The following UBXN2B variants were observed in gnomAD, a reference collection of about 807,000 sequenced individuals.
The protein encoded by UBXN2B is UBX domain-containing protein 2B.
A neutral mutation model predicts 37.5 loss-of-function variants in UBXN2B; 19 were observed. That is an observed-to-expected ratio of 0.51 (90% CI 0.35 to 0.74). UBXN2B has a LOEUF of 0.74. UBXN2B is among the 30% of genes least tolerant of loss of function. The probability of loss-of-function intolerance (pLI) is 0.01; values close to 1 mark genes in which losing one functional copy is unlikely to be tolerated. For synonymous variants in UBXN2B, 145 were observed against 143.8 expected (o/e 1.01, Z -0.06); for missense variants, 370 against 393.2 (o/e 0.94, Z 0.50).
chr8:58,418,241 CAAAAAAAAAAA>C (rs56073006), intron 2 of UBXN2B, among the ~76,000 whole-genome samples: 38,482 of 111,144 alleles, frequency 0.35, 5,617 homozygotes, highest in Admixed American at 0.54. Flanking sequence ...ACTCTGTCTC[CAAAAAAAAAAA>C]AAAAAAAAAA....
chr8:58,444,267 T>C (rs183255464), intron 6 of UBXN2B, among the ~76,000 whole-genome samples: 151 of 152,340 alleles, frequency 9.9e-4, no homozygotes, highest in African/African-American at 3.5e-3. Context: ...AGGATAATTA[T>C]AATGCTAATA....
chr8:58,413,469 G>C (rs1470775447), intron 1 of UBXN2B: 1 of 152,128 alleles, frequency 6.6e-6, no homozygotes, highest in Non-Finnish European at 1.5e-5. Context: ...GTTTAATCTA[G>C]ACATGCTTTT....
chr8:58,435,397 A>C (rs150997706), intron 5 of UBXN2B, among the ~76,000 whole-genome samples: 2 of 152,308 alleles, frequency 1.3e-5, no homozygotes, highest in Non-Finnish European at 2.9e-5. Context: ...TACCAAACAA[A>C]GGCAACAAAT....
intron 2 of UBXN2B, chr8:58,424,696 G>GT: frequency 7.5e-7 from 1 of 1,328,038 alleles, no homozygotes; most frequent in Non-Finnish European, 1.1e-6. Flanking sequence ...GCGGGGGGGG[G>GT]GGCTCTGATC....
intron 6 of UBXN2B, among the ~76,000 whole-genome samples, chr8:58,441,043 A>T (rs1356116413): frequency 6.8e-6 from 1 of 147,392 alleles, no homozygotes; most frequent in Non-Finnish European, 1.5e-5. Context: ...CCCAGACTGG[A>T]GTACAGTGGT....
Position 58,446,085 on chromosome 8 carries a change from A to T in UBXN2B, c.833+17A>T. 6.3e-7 allele frequency: 1 copy of T among 1,597,690 alleles called. No homozygotes were observed. Among genetic ancestry groups the T allele is most frequent in the Non-Finnish European group, 8.5e-7 (1 of 1,174,264 alleles). On this transcript the variant is annotated intron_variant, in intron 7 of 7. Transcript: ENST00000399598. ...TACACACAGGTAAGCTTCTTTACCA[A>T]CAGTGTCCTGTTTGCTGTTATATAC... is the stretch of plus-strand genomic sequence containing the variant.
chr8:58,432,414 G>T (rs556957405), intron 3 of UBXN2B, among the ~76,000 whole-genome samples: 1 of 113,202 alleles, frequency 8.8e-6, no homozygotes, highest in Admixed American at 1.4e-4. Context: ...ACAGGGTCTC[G>T]CTCTGTTGCC....
In UBXN2B at chr8:58,449,302, C is replaced by T. The variant is rs1453432848; in HGVS notation, c.*1751C>T. 6.6e-6 allele frequency: 1 copy of T among 151,674 alleles called. No individual in the cohort carries two copies. Among genetic ancestry groups the T allele is most frequent in the Non-Finnish European group, 1.5e-5 (1 of 67,930 alleles). The allele number at this position is 151,674 out of a possible 1,614,324, so 9.4% of individuals were successfully genotyped here. On this transcript the variant is annotated 3_prime_UTR_variant, in exon 8 of 8. Transcript: ENST00000399598. ...CATTATTCTTGCCTACTACAGTTCC[C>T]ACCCACCCCCCGCTCCACTCCTGTG...
intron 5 of UBXN2B, among the ~76,000 whole-genome samples, chr8:58,437,868 A>T (rs1808453310): frequency 6.6e-6 from 1 of 152,182 alleles, no homozygotes; most frequent in Non-Finnish European, 1.5e-5. Context: ...GATTTGCATG[A>T]ATAGAAGAGA....
chr8:58,438,587 C>A (rs1345629965), intron 5 of UBXN2B, among the ~76,000 whole-genome samples: 1 of 152,176 alleles, frequency 6.6e-6, no homozygotes, highest in Non-Finnish European at 1.5e-5. Flanking sequence ...TGGCAGATCT[C>A]TCTTTTGGAA....
At chr8:58,412,145 G>A (rs944022289) in intron 1 of UBXN2B, among the ~76,000 whole-genome samples, 5 of 152,164 alleles carry the variant, frequency 3.3e-5, no homozygotes, top group Admixed American at 6.5e-5. Flanking sequence ...AGGCGTTTTT[G>A]TGTCTCATTA....
Position 58,446,023 on chromosome 8 carries a change from T to C in UBXN2B, c.788T>C (p.Leu263Ser). ...CCAACAACAAAAATTCAAATCAGGT[T>C]AGCAGATGGGAGTCGTTTGATACAA... is the stretch of plus-strand genomic sequence containing the variant. ...SVPTTKIQIR[L>S]ADGSRLIQRF... Residue 263 changes from leucine (L) to serine (S), a missense_variant, in exon 7 of 8, where the codon TTA becomes TCA. Leu to Ser is a moderately radical substitution (Grantham distance 145, BLOSUM62 -2). Around this residue, in one of 3 missense-constraint regions of UBXN2B, gnomAD observed 83 missense variants for 83.5 expected, o/e 0.99. Coordinates refer to ENST00000399598, the MANE Select transcript of UBXN2B (RefSeq NM_001077619.2). 2.5e-6 allele frequency: 4 copies of C among 1,613,126 alleles called. No individual in the cohort carries two copies. The highest frequency in any genetic ancestry group is 3.4e-6 in the Non-Finnish European group (4 of 1,179,730).
Position 58,431,426 on chromosome 8 carries a change from C to T in UBXN2B, c.339+757C>T, listed in dbSNP as rs186966028. Among the ~76,000 whole-genome samples, 237 of 152,246 alleles carry T rather than the reference C, an allele frequency of 1.6e-3. 1 individual carries two copies. The highest frequency in any genetic ancestry group is 3.4e-3 in the Middle Eastern group (1 of 294). On this transcript the variant is annotated intron_variant, in intron 3 of 7. Transcript: ENST00000399598. ...CACAACTTTGTTCCTTTTTAATTCC[C>T]GAGTAGCATTTTATATAGATATACC...
At chr8:58,442,897 C>T (rs544229839) in intron 6 of UBXN2B, among the ~76,000 whole-genome samples, 1 of 152,296 alleles carries the variant, frequency 6.6e-6, no homozygotes, top group East Asian at 1.9e-4. Flanking sequence ...TTGTGCTTGC[C>T]ACTCTCACTT....
At chr8:58,414,216 G>A (rs1425268601) in intron 1 of UBXN2B, among the ~76,000 whole-genome samples, 3 of 152,164 alleles carry the variant, frequency 2.0e-5, no homozygotes, top group Non-Finnish European at 4.4e-5. Flanking sequence ...TCTCTAGTAT[G>A]CATCTGTGAC....
At chr8:58,437,240 C>T (rs76174685) in intron 5 of UBXN2B, among the ~76,000 whole-genome samples, 484 of 147,464 alleles carry the variant, frequency 3.3e-3, no homozygotes, top group African/African-American at 0.011. Context: ...GACTTGTCTG[C>T]GTTGTGTCCA....
chr8:58,421,770 A>G (rs553007923), intron 2 of UBXN2B, among the ~76,000 whole-genome samples: 2 of 152,348 alleles, frequency 1.3e-5, no homozygotes, highest in Non-Finnish European at 2.9e-5. Flanking sequence ...TTTACCAAAC[A>G]CATGATAAGC....
chr8:58,426,539 T>A, intron 2 of UBXN2B: 1 of 743,448 alleles, frequency 1.3e-6, no homozygotes, highest in Non-Finnish European at 2.5e-6. Context: ...GGGTGACAGC[T>A]CCATTTCTTC....
rs764016559 is a variant in UBXN2B at position 58,430,533 on chromosome 8, A to G, written c.203A>G (p.Glu68Gly). ...RTPPQRFYSS[E>G]HEYSGLNIVR... ...AATGTTTAAAGGTTTTACTCAAGTG[A>G]ACATGAATACAGTGGATTAAATATA... The change falls in exon 3 of 8, where the codon GAA becomes GGA. Residue 68 changes from glutamate to glycine, a missense_variant. Glu to Gly is a moderately conservative substitution (Grantham distance 98, BLOSUM62 -2). Transcript: ENST00000399598. The G allele has an allele frequency of 1.3e-6, 2 of 1,577,430 alleles. No homozygotes were observed. Among genetic ancestry groups the G allele is most frequent in the South Asian group, 1.2e-5 (1 of 84,256 alleles).
Sources: gnomAD v4.1 joint callset for allele counts (sites outside exome capture counted in the v4.1 genomes callset) on GRCh38, gnomAD v4.1.1 for gene constraint, gnomAD v4.1.1 regional missense constraint, MANE v1.5 for transcripts, NCBI Gene and HGNC (gene_info 2026-07-23, HGNC 2026-07-21) for gene names.